INSR: variants seen among roughly 807,000 people sequenced by gnomAD.
INSR encodes IR.
In INSR, 67 loss-of-function variants were observed where a neutral mutation model predicts 142.6. That is an observed-to-expected ratio of 0.47 (90% CI 0.39 to 0.58). INSR has a LOEUF of 0.58. Among genes scored for constraint, INSR ranks in the 20% least tolerant of loss-of-function variants. The pLI is 0.00. For synonymous variants in INSR, 756 were observed against 743.1 expected (o/e 1.02, Z -0.28); for missense variants, 1,248 against 1,833.2 (o/e 0.68, Z 5.83).
At chr19:7,244,547 A>AG (rs1976471566) in intron 2 of INSR, among the ~76,000 whole-genome samples, 1 of 152,102 alleles carries the variant, frequency 6.6e-6, no homozygotes. Context: ...AGAAAAAAAA[A>AG]GATTTGAGCA....
intron 3 of INSR, 63 bp from the exon 4 acceptor site, chr19:7,174,794 T>G: frequency 5.9e-6 from 9 of 1,521,536 alleles, no homozygotes; most frequent in African/African-American, 1.4e-5. Context: ...GTATCCAAGG[T>G]CCTTCAGACA....
intron 2 of INSR, among the ~76,000 whole-genome samples, chr19:7,240,220 T>C (rs1976297702): frequency 6.6e-6 from 1 of 152,242 alleles, no homozygotes; most frequent in Non-Finnish European, 1.5e-5. Flanking sequence ...ACCAGTGAAC[T>C]GTATACTGAA....
intron 10 of INSR, chr19:7,152,295 G>A (rs1373232687): frequency 3.6e-6 from 1 of 276,310 alleles, no homozygotes; most frequent in African/African-American, 2.3e-5. Flanking sequence ...GGAGGCTGAG[G>A]CACAAGAATC....
At chr19:7,281,236 TG>T (rs1403374996) in intron 1 of INSR, among the ~76,000 whole-genome samples, 5 of 152,080 alleles carry the variant, frequency 3.3e-5, no homozygotes, top group Non-Finnish European at 7.4e-5. Context: ...ACCGTGTAAC[TG>T]GGTATAATTA....
At chr19:7,268,392 C>T (rs891933516) in intron 1 of INSR, 1 of 979,888 alleles carries the variant, frequency 1.0e-6, no homozygotes, top group Non-Finnish European at 1.2e-6. Flanking sequence ...GACCTGCAAT[C>T]AAGACCTAAT....
At chr19:7,248,818 C>G (rs1055529636) in intron 2 of INSR, among the ~76,000 whole-genome samples, 1 of 133,238 alleles carries the variant, frequency 7.5e-6, no homozygotes, top group South Asian at 2.4e-4. Context: ...AGTGCAGTGG[C>G]GTGATCTTGG....
At chr19:7,256,909 C>A (rs748530157) in intron 2 of INSR, among the ~76,000 whole-genome samples, 1 of 145,944 alleles carries the variant, frequency 6.9e-6, no homozygotes, top group Non-Finnish European at 1.5e-5. Flanking sequence ...GGCCATCATT[C>A]ACGTTACATG....
intron 2 of INSR, among the ~76,000 whole-genome samples, chr19:7,240,117 G>T (rs965592357): frequency 2.0e-5 from 3 of 152,140 alleles, no homozygotes; most frequent in Non-Finnish European, 2.9e-5. Context: ...ATACACAATG[G>T]CTTCCTAAGG....
intron 2 of INSR, among the ~76,000 whole-genome samples, chr19:7,210,646 G>A (rs1025637457): frequency 3.9e-5 from 6 of 151,960 alleles, no homozygotes; most frequent in Non-Finnish European, 5.9e-5. Context: ...CTGGCCTCTG[G>A]CATAAAAGTT....
rs1279919615 is a variant in INSR at position 7,225,036 on chromosome 19, AAGAGGAG to A, written c.653-40406_653-40400del. On this transcript the variant is annotated intron_variant, in intron 2 of 21. Coordinates refer to ENST00000302850, the MANE Select transcript of INSR (RefSeq NM_000208.4). This position sits in a 1 kb window ranked among gnomAD's most constrained non-coding sequence, Gnocchi z 4.7. ...CCATTAAGGCAGCAGGGCAGCAGCA[AAGAGGAG>A]AGAGGAGGGGAGAGGGGAGGTTGTG... Among the ~76,000 whole-genome samples, 5 of 152,130 alleles carry A rather than the reference AAGAGGAG, an allele frequency of 3.3e-5. No homozygotes were observed. Among genetic ancestry groups the A allele is most frequent in the Non-Finnish European group, 7.4e-5 (5 of 68,022 alleles).
chr19:7,215,734 A>AT (rs1186696766), intron 2 of INSR, among the ~76,000 whole-genome samples: 1 of 151,444 alleles, frequency 6.6e-6, no homozygotes, highest in Non-Finnish European at 1.5e-5. Flanking sequence ...CGCCTGGCTA[A>AT]TTTTTGTAAT....
intron 2 of INSR, among the ~76,000 whole-genome samples, chr19:7,252,446 T>G (rs1189987653): frequency 1.3e-5 from 2 of 152,052 alleles, no homozygotes; most frequent in African/African-American, 4.8e-5. Flanking sequence ...CTTGACCACT[T>G]TGGATCAAAC....
intron 9 of INSR, among the ~76,000 whole-genome samples, chr19:7,154,693 G>A (rs996840088): frequency 2.0e-4 from 30 of 151,898 alleles, no homozygotes; most frequent in Non-Finnish European, 4.4e-5. Flanking sequence ...GGAGGCCGAG[G>A]CGGGCAGATC....
rs1339909656 is a variant in INSR at position 7,201,823 on chromosome 19, A to G, written c.653-17186T>C. 7.4e-5 allele frequency among the ~76,000 whole-genome samples: 11 copies of G among 149,190 alleles called. No individual in the cohort carries two copies. The East Asian group carries it at 1.0e-3, about 14-fold the overall frequency. On this transcript the variant is annotated intron_variant, in intron 2 of 21. Coordinates refer to ENST00000302850, the MANE Select transcript of INSR (RefSeq NM_000208.4). ...GACTACAGGCGCGGCCACCACGCCT[A>G]GCTAATTTTTTGTATTTTTAGTAGA...
At chr19:7,120,531 G>A (rs1599867755) in intron 20 of INSR, 89 bp downstream of exon 20, 2 of 1,516,756 alleles carry the variant, frequency 1.3e-6, no homozygotes, top group South Asian at 1.1e-5. Flanking sequence ...CGTCCAGGAG[G>A]ATGGCAGGCT....
intron 9 of INSR, among the ~76,000 whole-genome samples, chr19:7,156,776 TTCTC>T (rs1431742745): frequency 1.4e-5 from 2 of 146,536 alleles, no homozygotes; most frequent in African/African-American, 5.0e-5. Context: ...ACAATACTAT[TTCTC>T]TCTTTTTTTT....
At chr19:7,163,388 G>A (rs984739417) in intron 8 of INSR, among the ~76,000 whole-genome samples, 189 bp from the exon 9 acceptor site, 9 of 151,840 alleles carry the variant, frequency 5.9e-5, no homozygotes, top group East Asian at 5.8e-4. Context: ...GTGAAACCCC[G>A]TCTCTACTAA....
chr19:7,201,075 A>G (rs1974940640), intron 2 of INSR, among the ~76,000 whole-genome samples: 1 of 152,118 alleles, frequency 6.6e-6, no homozygotes, highest in Non-Finnish European at 1.5e-5. Context: ...GTACAGGAGT[A>G]ACTTTTTACA....
intron 2 of INSR, among the ~76,000 whole-genome samples, chr19:7,248,394 G>A (rs1976599089): frequency 6.9e-6 from 1 of 144,186 alleles, no homozygotes; most frequent in Admixed American, 7.2e-5. Context: ...GCTGAGGTGG[G>A]AGGATCACTT....
Sources: allele counts gnomAD v4.1 joint callset (sites outside exome capture counted in the v4.1 genomes callset), GRCh38; gene constraint gnomAD v4.1.1; non-coding constraint Gnocchi (gnomAD v3.1); transcripts MANE v1.5; gene names NCBI Gene and HGNC (gene_info 2026-07-23, HGNC 2026-07-21).